Variants in ERI2 observed in about 807,000 individuals in gnomAD.
ERI2 encodes ERI1 exoribonuclease 2.
In ERI2, 35 loss-of-function variants were observed where a neutral mutation model predicts 46.8. That is an observed-to-expected ratio of 0.75 (90% CI 0.57 to 0.99). The LOEUF is 0.99. Among genes scored for constraint, ERI2 ranks in the 50% least tolerant of loss-of-function variants. ERI2 has a pLI of 0.00. For synonymous variants in ERI2, 224 were observed against 271.0 expected (o/e 0.83, Z 1.70); for missense variants, 695 against 796.2 (o/e 0.87, Z 1.53).
exon 11 of ERI2, chr16:20,780,546 T>C: frequency 7.0e-7 from 1 of 1,434,810 alleles, no homozygotes; most frequent in Non-Finnish European, 9.5e-7. Flanking sequence ...AGAAAGCACC[T>C]AAAAGGATAG....
rs1596546384 is a variant in ERI2, at chr16:20,796,619, T to C, written c.*1105A>G. On this transcript the variant is annotated 3_prime_UTR_variant, in exon 9 of 9. Coordinates refer to ENST00000357967, the MANE Select transcript of ERI2 (RefSeq NM_001142725.2). ...TGTCCCAAACTGAACTGATGACATA[T>C]GGGTAAGAATCAGAATCTTTGAGAT... 1.3e-6 allele frequency: 2 copies of C among 1,522,124 alleles called. No homozygotes were observed. Among genetic ancestry groups the C allele is most frequent in the African/African-American group, 1.4e-5 (1 of 70,644 alleles). The allele number at this position is 1,522,124 out of a possible 1,614,324, so 94.3% of individuals were successfully genotyped here.
downstream of ERI2, chr16:20,792,257 G>T: frequency 2.5e-6 from 4 of 1,614,082 alleles, no homozygotes; most frequent in Non-Finnish European, 3.4e-6. Flanking sequence ...GACCATTTGA[G>T]GTAGAAAATG....
downstream of ERI2, chr16:20,792,466 C>A: frequency 6.6e-7 from 1 of 1,514,006 alleles, no homozygotes; most frequent in Non-Finnish European, 8.9e-7. Context: ...TAGAAATATG[C>A]TAGTCAGAAA....
rs2080726356 is a variant in ERI2 at position 20,796,474 on chromosome 16, C to A, written c.*1250G>T. The stretch of plus-strand genomic sequence containing the variant: ...ATGTTAAAAAAACTACAGCACCTTA[C>A]AAATATCCCAGAAAGGTAGGCATCC... On this transcript the variant is annotated 3_prime_UTR_variant, in exon 9 of 9. Coordinates refer to ENST00000357967, the MANE Select transcript of ERI2 (RefSeq NM_001142725.2). 6.2e-7 allele frequency: 1 copy of A among 1,612,768 alleles called. No homozygotes were observed.
chr16:20,780,852 TG>T, intron 10 of ERI2: 2 of 1,614,244 alleles, frequency 1.2e-6, no homozygotes, highest in African/African-American at 1.3e-5. Context: ...TATCTGTAAA[TG>T]GAAGGTATAC....
chr16:20,791,570 T>A (rs1238389645), downstream of ERI2, among the ~76,000 whole-genome samples: 1 of 152,186 alleles, frequency 6.6e-6, no homozygotes, highest in Non-Finnish European at 1.5e-5. Context: ...TCACAATCTA[T>A]CTCTTCCTAA....
intron 10 of ERI2, chr16:20,781,740 T>C: frequency 6.2e-7 from 1 of 1,613,556 alleles, no homozygotes; most frequent in Non-Finnish European, 8.5e-7. Context: ...CAGTCTTCTG[T>C]TCAGCACCAA....
intron 10 of ERI2, among the ~76,000 whole-genome samples, chr16:20,788,554 AG>A (rs767168034): frequency 6.6e-6 from 1 of 152,206 alleles, no homozygotes; most frequent in Non-Finnish European, 1.5e-5. Flanking sequence ...TCCTTAGCTA[AG>A]GGCATCTGCA....
At chr16:20,785,417 C>G (rs772366236) in intron 10 of ERI2, among the ~76,000 whole-genome samples, 2 of 152,168 alleles carry the variant, frequency 1.3e-5, no homozygotes, top group Admixed American at 1.3e-4. Context: ...AGGGAAGTAT[C>G]TTATTTAGGG....
In ERI2 at chr16:20,798,191, A is replaced by G. The variant is rs939374064; in HGVS notation, c.1609T>C (p.Cys537Arg). ...LLSGGTKRNP[C>R]SPQAFPPAKK... ...GCTGGTGGGAAAGCTTGGGGACTGC[A>G]TGGATTCCTTTTGGTACCACCTGAA... The change falls in exon 9 of 9, where the codon TGC becomes CGC. Residue 537 changes from cysteine (C) to arginine (R), a missense_variant. Transcript: ENST00000357967. 2.6e-6 allele frequency: 4 copies of G among 1,551,676 alleles called. No individual in the cohort carries two copies. Among genetic ancestry groups the G allele is most frequent in the East Asian group, 4.9e-5 (2 of 40,922 alleles).
Position 20,801,191 on chromosome 16 carries a change from C to T in ERI2, c.460+12G>A. 6.2e-7 allele frequency: 1 copy of T among 1,602,924 alleles called. No individual in the cohort carries two copies. Among genetic ancestry groups the T allele is most frequent in the Non-Finnish European group, 8.5e-7 (1 of 1,175,540 alleles). On this transcript the variant is annotated intron_variant, in intron 5 of 8. Transcript: ENST00000357967. ...ACCCATCTGTGATTAATAGGTATAA[C>T]TTATTCTTTACCTGACCAAGTAACA...
Position 20,802,844 on chromosome 16 carries a change from T to A in ERI2, c.255A>T (p.Glu85Asp). The A allele has an allele frequency of 6.2e-7, 1 of 1,611,466 alleles. No individual in the cohort carries two copies. The highest frequency in any genetic ancestry group is 8.5e-7 in the Non-Finnish European group (1 of 1,178,028). The change falls in exon 4 of 9, where the codon GAA becomes GAT. Residue 85 changes from glutamate to aspartate, a missense_variant. Coordinates refer to ENST00000357967, the MANE Select transcript of ERI2 (RefSeq NM_001142725.2). ...SEFQAYVQPQ[E>D]HPILSEFCME... Reference sequence around the variant, plus strand: ...TGCAAAATTCTGAAAGAATTGGATGTTCCTGAGGTTGAACATAAGCCTGGA... The same window carrying A: ...TGCAAAATTCTGAAAGAATTGGATGATCCTGAGGTTGAACATAAGCCTGGA...
chr16:20,797,831 T>C lies in ERI2; in HGVS notation c.1969A>G (p.Thr657Ala), dbSNP rs1303243921. The C allele has an allele frequency of 1.9e-6, 3 of 1,551,596 alleles. No homozygotes were observed. The highest frequency in any genetic ancestry group is 4.9e-5 in the East Asian group (2 of 40,908). Residue 657 changes from threonine (T) to alanine (A), a missense_variant, in exon 9 of 9, where the codon ACA becomes GCA. Physicochemically the swap from Thr to Ala is moderately conservative, Grantham distance 58. Coordinates refer to ENST00000357967, the MANE Select transcript of ERI2 (RefSeq NM_001142725.2). ...RANSMVPSHS[T>A]GGLTFSSPET... is the part of the protein sequence containing the mutation. Reference sequence around the variant, plus strand: ...GGAGAACTAAAAGTGAGTCCCCCTGTGGAATGAGATGGAACCATGCTGTTG... The same window carrying C: ...GGAGAACTAAAAGTGAGTCCCCCTGCGGAATGAGATGGAACCATGCTGTTG...
downstream of ERI2, chr16:20,792,145 A>C: frequency 1.2e-6 from 2 of 1,614,092 alleles, no homozygotes; most frequent in Non-Finnish European, 1.7e-6. Flanking sequence ...TTTCTTTTCC[A>C]TATGTGCATA....
rs186795267 is a variant in ERI2 at position 20,806,205 on chromosome 16, C to T, written c.23+203G>A. Reference sequence around the variant, plus strand: ...GTCCGCCTCGGGCTCCTGTCACCCTCGGGTAGAAGGTGGCCCAAGGCTGAA... The same window carrying T: ...GTCCGCCTCGGGCTCCTGTCACCCTTGGGTAGAAGGTGGCCCAAGGCTGAA... On this transcript the variant is annotated intron_variant, in intron 1 of 8. Transcript: ENST00000357967. 2,544 of 1,397,376 alleles carry T rather than the reference C, an allele frequency of 1.8e-3. 12 individuals are homozygous for T. The highest frequency in any genetic ancestry group is 3.7e-3 in the Middle Eastern group (14 of 3,778). The allele number at this position is 1,397,376 out of a possible 1,614,324, so 86.6% of individuals were successfully genotyped here.
intron 10 of ERI2, chr16:20,780,791 G>C (rs776521152): frequency 3.7e-6 from 6 of 1,614,234 alleles, no homozygotes; most frequent in Non-Finnish European, 4.2e-6. Context: ...AGTGGAACAA[G>C]TGGATATCCG....
At chr16:20,786,060 T>C (rs375425139) in intron 10 of ERI2, 1 of 1,483,412 alleles carries the variant, frequency 6.7e-7, no homozygotes, top group African/African-American at 1.4e-5. Flanking sequence ...TATCTTACTT[T>C]TTCTTCTTCT....
rs985950745 is a variant in ERI2 at position 20,803,481 on chromosome 16, C to G, written c.127G>C (p.Glu43Gln). The change falls in exon 3 of 9, where the codon GAA (glutamate) becomes CAA (glutamine). Residue 43 changes from glutamate to glutamine, a missense_variant. Physicochemically the swap from Glu to Gln is conservative, Grantham distance 29 (BLOSUM62 2). Coordinates refer to ENST00000357967, the MANE Select transcript of ERI2 (RefSeq NM_001142725.2). ...TTCCCATCATTCCAGCATGTCGATT[C>G]AAAATCAATGACAATTAAGTAGTCA... Reference protein sequence around the residue: ...LFDYLIVIDFESTCWNDGKHH... With the variant: ...LFDYLIVIDFQSTCWNDGKHH... 1.9e-6 allele frequency: 3 copies of G among 1,613,836 alleles called. No homozygotes were observed. In the African/African-American group the frequency reaches 4.0e-5, roughly 22 times the overall value.
chr16:20,792,122 T>A (rs777920825), downstream of ERI2: 1 of 1,614,166 alleles, frequency 6.2e-7, no homozygotes, highest in South Asian at 1.1e-5. Context: ...TGTCATATTA[T>A]CCTCTGGGTA....
Sources: gnomAD v4.1 joint callset for allele counts (sites outside exome capture counted in the v4.1 genomes callset) on GRCh38, gnomAD v4.1.1 for gene constraint, MANE v1.5 for transcripts, NCBI Gene and HGNC (gene_info 2026-07-23, HGNC 2026-07-21) for gene names.